STPG2: variants seen among roughly 807,000 people sequenced by gnomAD.
STPG2 encodes sperm tail PG-rich repeat containing 2.
Under a neutral mutation model 54.2 loss-of-function variants are expected in STPG2, and 56 were observed. The observed-to-expected ratio is 1.03, with a 90% confidence interval of 0.83 to 1.29. The LOEUF (loss-of-function observed/expected upper bound fraction) is 1.29, where lower values mean the gene tolerates loss of function less well. STPG2 is among the 50% of genes most tolerant of loss of function. STPG2 has a pLI of 0.00. For missense variants in STPG2, 596 were observed against 544.9 expected (o/e 1.09, Z -0.93); for synonymous variants, 200 against 181.8 (o/e 1.10, Z -0.81).
At chr4:98,101,371 G>T (rs572201731) in intron 5 of STPG2, among the ~76,000 whole-genome samples, 1 of 152,266 alleles carries the variant, frequency 6.6e-6, no homozygotes, top group Non-Finnish European at 1.5e-5. Context: ...GAGTAAGGGA[G>T]TTGGAAGAAA....
At chr4:97,951,490 G>GT (rs898437868) in intron 7 of STPG2, among the ~76,000 whole-genome samples, 30 of 151,232 alleles carry the variant, frequency 2.0e-4, no homozygotes, top group South Asian at 1.0e-3. Context: ...ATTTGACTGT[G>GT]TTTTTTTTTA....
intron 5 of STPG2, among the ~76,000 whole-genome samples, chr4:98,081,665 A>G (rs189076226): frequency 2.1e-4 from 32 of 152,204 alleles, no homozygotes; most frequent in Admixed American, 1.1e-3. Context: ...ACTTGTGTTC[A>G]TGGGTCATGG....
intron 9 of STPG2, among the ~76,000 whole-genome samples, chr4:97,840,129 A>G (rs922959366): frequency 6.6e-6 from 1 of 151,664 alleles, no homozygotes; most frequent in Non-Finnish European, 1.5e-5. Flanking sequence ...TAAATGCTCA[A>G]ATAAATGTTT....
At chr4:97,922,883 A>C (rs1001384406) in intron 8 of STPG2, among the ~76,000 whole-genome samples, 1 of 117,070 alleles carries the variant, frequency 8.5e-6, no homozygotes. Context: ...ATGAAACTTT[A>C]TAACATGAGT....
At chr4:97,494,048 A>C (rs1342857120) in intron 4 of STPG2, among the ~76,000 whole-genome samples, 2 of 151,464 alleles carry the variant, frequency 1.3e-5, no homozygotes, top group Non-Finnish European at 3.0e-5. Context: ...ACACAAAAAA[A>C]CGTTTAAGAA....
At chr4:98,119,863 C>A (rs1041180531) in intron 3 of STPG2, among the ~76,000 whole-genome samples, 1 of 152,050 alleles carries the variant, frequency 6.6e-6, no homozygotes, top group African/African-American at 2.4e-5. Context: ...GTGTTATTTG[C>A]TGAGGATAAT....
intron 9 of STPG2, among the ~76,000 whole-genome samples, chr4:97,810,328 G>T (rs1727696540): frequency 6.6e-6 from 1 of 151,982 alleles, no homozygotes; most frequent in South Asian, 2.1e-4. Context: ...TCTGAGAGTG[G>T]TGGTGTGTGC....
chr4:97,860,191 C>G (rs1218491557), intron 8 of STPG2, among the ~76,000 whole-genome samples: 2 of 152,006 alleles, frequency 1.3e-5, no homozygotes, highest in African/African-American at 4.8e-5. Flanking sequence ...TTTTTCTTAG[C>G]CTTGTTTTGG....
chr4:97,776,640 G>A (rs1726385251), intron 9 of STPG2, among the ~76,000 whole-genome samples: 1 of 152,150 alleles, frequency 6.6e-6, no homozygotes, highest in Non-Finnish European at 1.5e-5. Flanking sequence ...ATTTAATATG[G>A]TATTGGAATG....
intron 10 of STPG2, among the ~76,000 whole-genome samples, chr4:97,677,033 G>A (rs1359582843): frequency 6.6e-6 from 1 of 152,108 alleles, no homozygotes; most frequent in African/African-American, 2.4e-5. Flanking sequence ...ATTTATAGTA[G>A]TAGTTTTTAC....
chr4:98,020,746 G>T (rs983091802), intron 5 of STPG2, among the ~76,000 whole-genome samples: 13 of 152,154 alleles, frequency 8.5e-5, no homozygotes, highest in Non-Finnish European at 1.8e-4. Context: ...TTTAGTCTTA[G>T]GAAGGTGTAT....
At chr4:97,997,644 G>C (rs1190491902) in intron 5 of STPG2, among the ~76,000 whole-genome samples, 1 of 152,142 alleles carries the variant, frequency 6.6e-6, no homozygotes, top group Non-Finnish European at 1.5e-5. Flanking sequence ...AGAAAATGTG[G>C]TACATATACA....
In STPG2 at chr4:97,848,760, C is replaced by T. The variant is rs1479235321; in HGVS notation, c.1045-7828G>A. Among the ~76,000 whole-genome samples, 12 of 151,476 alleles carry T rather than the reference C, an allele frequency of 7.9e-5. No homozygotes were observed. In the South Asian group the frequency reaches 1.5e-3, roughly 18 times the overall value. On this transcript the variant is annotated intron_variant, in intron 8 of 10. Coordinates refer to ENST00000295268, the MANE Select transcript of STPG2 (RefSeq NM_174952.3). ...AGCACCATTTATTAAATAGGGAATC[C>T]TTTCCCCATTGCTTGTTTTTCTCAG...
intron 10 of STPG2, among the ~76,000 whole-genome samples, chr4:97,577,969 G>A (rs1732764758): frequency 6.6e-6 from 1 of 151,924 alleles, no homozygotes; most frequent in African/African-American, 2.4e-5. Context: ...TATCTTTGCA[G>A]ACATATATCC....
At chr4:97,674,431 TAAATTGGTCA>T (rs1278212202) in intron 10 of STPG2, among the ~76,000 whole-genome samples, 6 of 152,196 alleles carry the variant, frequency 3.9e-5, no homozygotes, top group African/African-American at 1.4e-4. Flanking sequence ...AAAAGAGCAG[TAAATTGGTCA>T]AAATAATCCA....
chr4:97,529,715 T>G (rs1049864459), intron 4 of STPG2, among the ~76,000 whole-genome samples: 5 of 152,196 alleles, frequency 3.3e-5, no homozygotes, highest in African/African-American at 1.2e-4. Flanking sequence ...CTTGGGAGCA[T>G]GTATGTATCC....
At chr4:97,508,225 T>C (rs2148838485) in intron 4 of STPG2, among the ~76,000 whole-genome samples, 1 of 152,134 alleles carries the variant, frequency 6.6e-6, no homozygotes, top group African/African-American at 2.4e-5. Context: ...CAAAATAATT[T>C]ATGAAATAGG....
intron 10 of STPG2, among the ~76,000 whole-genome samples, chr4:97,701,251 G>A (rs2148997454): frequency 6.6e-6 from 1 of 152,244 alleles, no homozygotes; most frequent in East Asian, 1.9e-4. Flanking sequence ...TATGCATCCT[G>A]GCACTGGGAA....
chr4:97,510,262 C>CA (rs1730944495), intron 4 of STPG2, among the ~76,000 whole-genome samples: 1 of 152,066 alleles, frequency 6.6e-6, no homozygotes, highest in Non-Finnish European at 1.5e-5. Context: ...CTCAATATTG[C>CA]ATCTTTGGCC....
Sources: gnomAD v4.1 joint callset for allele counts (sites outside exome capture counted in the v4.1 genomes callset) on GRCh38, gnomAD v4.1.1 for gene constraint, MANE v1.5 for transcripts, NCBI Gene and HGNC (gene_info 2026-07-23, HGNC 2026-07-21) for gene names.